Variants in MARCHF8 observed in about 807,000 individuals in gnomAD.
The protein encoded by MARCHF8 is E3 ubiquitin-protein ligase MARCHF8.
In MARCHF8, 40 loss-of-function variants were observed where a neutral mutation model predicts 51.6. The observed-to-expected ratio is 0.77, with a 90% confidence interval of 0.60 to 1.01. The LOEUF is 1.01. Ranked by LOEUF, MARCHF8 falls within the 50% of genes least tolerant of loss-of-function variation. The pLI is 0.00. For missense variants in MARCHF8, 685 were observed against 708.6 expected (o/e 0.97, Z 0.38); for synonymous variants, 263 against 280.3 (o/e 0.94, Z 0.62).
At chr10:45,561,514 T>C (rs2044310064) in intron 1 of MARCHF8, among the ~76,000 whole-genome samples, 1 of 151,292 alleles carries the variant, frequency 6.6e-6, no homozygotes, top group African/African-American at 2.4e-5. Flanking sequence ...ACCTCAGTAA[T>C]CTGCCCACCT....
chr10:45,554,332 G>A (rs1038025307), intron 1 of MARCHF8, among the ~76,000 whole-genome samples: 4 of 152,134 alleles, frequency 2.6e-5, no homozygotes, highest in Non-Finnish European at 5.9e-5. Flanking sequence ...GGAAAAATCA[G>A]TATGAAACTC....
upstream of MARCHF8, among the ~76,000 whole-genome samples, chr10:45,538,120 C>T (rs1327305158): frequency 6.6e-6 from 1 of 152,064 alleles, no homozygotes; most frequent in Admixed American, 6.5e-5. Flanking sequence ...GCTGATCTCT[C>T]GGCAGAAACT....
chr10:45,530,787 A>T (rs1331517157), intron 2 of MARCHF8, among the ~76,000 whole-genome samples: 1 of 152,190 alleles, frequency 6.6e-6, no homozygotes, highest in African/African-American at 2.4e-5. Context: ...ATAAGTAAAA[A>T]ATAATAACAA....
At chr10:45,507,339 T>C (rs1273904869) in intron 2 of MARCHF8, among the ~76,000 whole-genome samples, 1 of 152,204 alleles carries the variant, frequency 6.6e-6, no homozygotes, top group Non-Finnish European at 1.5e-5. Context: ...AAGGAATACC[T>C]GAGGCTGGGT....
chr10:45,580,881 T>A (rs2044547993), intron 1 of MARCHF8, among the ~76,000 whole-genome samples: 1 of 152,158 alleles, frequency 6.6e-6, no homozygotes, highest in African/African-American at 2.4e-5. Flanking sequence ...AACACACCCA[T>A]CTGTGTGCTG....
At chr10:45,592,058 G>A (rs1165835636) in intron 1 of MARCHF8, among the ~76,000 whole-genome samples, 3 of 152,114 alleles carry the variant, frequency 2.0e-5, no homozygotes, top group African/African-American at 7.2e-5. Flanking sequence ...AGCACCTGGA[G>A]AACTAGAACA....
Position 45,456,230 on chromosome 10 carries a change from G to A in MARCHF8, c.*2009C>T, listed in dbSNP as rs918729808. The A allele has an allele frequency of 6.6e-6, 1 of 152,380 alleles. No homozygotes were observed. The allele number at this position is 152,380 out of a possible 1,614,324, so 9.4% of individuals were successfully genotyped here. On this transcript the variant is annotated 3_prime_UTR_variant, in exon 8 of 8. Transcript: ENST00000453424. ...AGTGGACAGTCTGTGGTTGCCTGGG[G>A]TCCCCAGGCTGAGAAGGGGTATGGG...
intron 3 of MARCHF8, among the ~76,000 whole-genome samples, chr10:45,482,980 A>G (rs768579754): frequency 1.3e-5 from 2 of 152,216 alleles, no homozygotes; most frequent in Admixed American, 1.3e-4. Context: ...CATCGCATAC[A>G]AAAATCAACT....
At chr10:45,544,699 G>A (rs1002115270) in intron 1 of MARCHF8, among the ~76,000 whole-genome samples, 3 of 152,150 alleles carry the variant, frequency 2.0e-5, no homozygotes, top group African/African-American at 7.2e-5. Flanking sequence ...GGGTGTAGTT[G>A]TGGGTACTAT....
intron 2 of MARCHF8, among the ~76,000 whole-genome samples, chr10:45,525,473 A>G (rs1564501783): frequency 6.6e-6 from 1 of 152,176 alleles, no homozygotes; most frequent in East Asian, 1.9e-4. Flanking sequence ...TTTTTGGACA[A>G]TCTTGCAATT....
intron 1 of MARCHF8, among the ~76,000 whole-genome samples, chr10:45,555,753 A>AAAAAAG (rs923493314): frequency 2.0e-5 from 3 of 151,824 alleles, no homozygotes; most frequent in South Asian, 2.1e-4. Context: ...CAAAAAAAAA[A>AAAAAAG]AAAAAGAAAA....
At chr10:45,558,230 A>C (rs1335234442) in intron 1 of MARCHF8, among the ~76,000 whole-genome samples, 1 of 152,218 alleles carries the variant, frequency 6.6e-6, no homozygotes, top group African/African-American at 2.4e-5. Flanking sequence ...AAGGCAGACA[A>C]GGACCTGTTT....
At chr10:45,524,720 C>A (rs967509289) in intron 2 of MARCHF8, among the ~76,000 whole-genome samples, 1 of 152,126 alleles carries the variant, frequency 6.6e-6, no homozygotes, top group Non-Finnish European at 1.5e-5. Context: ...ATAAGACTGG[C>A]AGTTCCTGGA....
chr10:45,488,341 C>A (rs1038612752), intron 3 of MARCHF8, among the ~76,000 whole-genome samples: 1 of 152,098 alleles, frequency 6.6e-6, no homozygotes, highest in Non-Finnish European at 1.5e-5. Flanking sequence ...ACCTGTTAAT[C>A]CTTGATCAGT....
chr10:45,574,077 T>A (rs891786157), intron 1 of MARCHF8, among the ~76,000 whole-genome samples: 2 of 77,084 alleles, frequency 2.6e-5, no homozygotes, highest in East Asian at 8.2e-4. Context: ...CCTCCCCTTG[T>A]ATCTCCCCAC....
chr10:45,549,399 A>T (rs1240885936), intron 1 of MARCHF8, among the ~76,000 whole-genome samples: 1 of 152,212 alleles, frequency 6.6e-6, no homozygotes, highest in East Asian at 1.9e-4. Context: ...TGACTTACAA[A>T]GGCTGCTTCG....
intron 7 of MARCHF8, 37 bp downstream of exon 7, chr10:45,459,083 G>A (rs774951822): frequency 6.2e-7 from 1 of 1,612,272 alleles, no homozygotes; most frequent in Admixed American, 1.7e-5. Flanking sequence ...AGCTATCCCG[G>A]CCCCCATGCT....
At chr10:45,511,223 A>G (rs2043494612) in intron 2 of MARCHF8, among the ~76,000 whole-genome samples, 1 of 152,222 alleles carries the variant, frequency 6.6e-6, no homozygotes, top group Non-Finnish European at 1.5e-5. Flanking sequence ...ACTTTTTAAA[A>G]ATCTTAATTA....
At chr10:45,542,086 C>T (rs934691069) in intron 1 of MARCHF8, among the ~76,000 whole-genome samples, 2 of 152,106 alleles carry the variant, frequency 1.3e-5, no homozygotes, top group Non-Finnish European at 2.9e-5. Context: ...TGGCTCATGC[C>T]GGTAATCCCA....
Sources: gnomAD v4.1 joint callset for allele counts (sites outside exome capture counted in the v4.1 genomes callset) on GRCh38, gnomAD v4.1.1 for gene constraint, MANE v1.5 for transcripts, NCBI Gene and HGNC (gene_info 2026-07-23, HGNC 2026-07-21) for gene names.